Variants in FOXP1 observed in about 807,000 individuals in gnomAD.
FOXP1 encodes the protein forkhead box protein P1.
A neutral mutation model predicts 98.2 loss-of-function variants in FOXP1; 15 were observed. The observed-to-expected ratio is 0.15, with a 90% CI of 0.10 to 0.24. The LOEUF (loss-of-function observed/expected upper bound fraction) is 0.24. FOXP1 is among the 10% of genes least tolerant of loss of function. The probability of loss-of-function intolerance (pLI) is 1.00; values close to 1 mark genes in which losing one functional copy is unlikely to be tolerated. For missense variants in FOXP1, 633 were observed against 848.5 expected (o/e 0.75, Z 3.15); for synonymous variants, 371 against 314.5 (o/e 1.18, Z -1.90).
At chr3:71,234,636 G>A (rs2066620760) in intron 5 of FOXP1, among the ~76,000 whole-genome samples, 2 of 152,200 alleles carry the variant, frequency 1.3e-5, no homozygotes. Flanking sequence ...GAAATGTTTA[G>A]TGCAGATGAG....
intron 2 of FOXP1, among the ~76,000 whole-genome samples, chr3:71,544,385 A>C (rs948730598): frequency 2.0e-5 from 3 of 151,918 alleles, no homozygotes; most frequent in Non-Finnish European, 4.4e-5. Flanking sequence ...ATGGAAAAAA[A>C]AAAAAAGGAA....
chr3:71,352,767 T>C (rs1198011392), intron 4 of FOXP1, among the ~76,000 whole-genome samples: 1 of 152,184 alleles, frequency 6.6e-6, no homozygotes, highest in African/African-American at 2.4e-5. Context: ...TGCTGTTTAT[T>C]GAGATTTTTT....
At chr3:71,531,186 T>C (rs2107534856) in intron 2 of FOXP1, among the ~76,000 whole-genome samples, 1 of 152,340 alleles carries the variant, frequency 6.6e-6, no homozygotes, top group South Asian at 2.1e-4. Context: ...AGTGCAATGC[T>C]CAGGCAAAGT....
intron 13 of FOXP1, among the ~76,000 whole-genome samples, chr3:70,992,615 A>C (rs371113729): frequency 6.6e-6 from 1 of 152,258 alleles, no homozygotes; most frequent in South Asian, 2.1e-4. Flanking sequence ...TATATGGCTC[A>C]TTGCACCCCA....
chr3:70,965,751 T>C, intron 20 of FOXP1, 139 bp downstream of exon 20: 1 of 888,492 alleles, frequency 1.1e-6, no homozygotes, highest in Admixed American at 1.8e-5. Flanking sequence ...TTTCTTGAAG[T>C]ACAAACTTCT....
intron 6 of FOXP1, among the ~76,000 whole-genome samples, chr3:71,158,881 C>T (rs2060989322): frequency 1.3e-5 from 2 of 151,800 alleles, no homozygotes; most frequent in South Asian, 4.2e-4. Flanking sequence ...CAAGGTGGGT[C>T]ATCACTTGAG....
At chr3:71,531,985 C>T (rs916604058) in intron 2 of FOXP1, among the ~76,000 whole-genome samples, 2 of 152,192 alleles carry the variant, frequency 1.3e-5, no homozygotes, top group South Asian at 4.1e-4. Context: ...TTCTACAATT[C>T]CTTTTACTTA....
chr3:71,569,843 C>T (rs1287428039), intron 2 of FOXP1, among the ~76,000 whole-genome samples: 2 of 150,532 alleles, frequency 1.3e-5, no homozygotes, highest in African/African-American at 2.5e-5. Context: ...AGTCCAGTGG[C>T]GCGATCTCAG....
intron 6 of FOXP1, among the ~76,000 whole-genome samples, chr3:71,184,308 A>G (rs950546959): frequency 1.3e-5 from 2 of 152,118 alleles, no homozygotes; most frequent in African/African-American, 4.8e-5. Context: ...ATGCCAAAAT[A>G]CCCTCAGAAT....
chr3:71,370,011 A>T (rs972088444), intron 3 of FOXP1, among the ~76,000 whole-genome samples: 15 of 152,216 alleles, frequency 9.9e-5, no homozygotes, highest in African/African-American at 3.4e-4. Context: ...AATGACCTGC[A>T]AGCCATTAAA....
intron 10 of FOXP1, among the ~76,000 whole-genome samples, chr3:71,041,948 C>T (rs2048404603): frequency 6.6e-6 from 1 of 152,098 alleles, no homozygotes; most frequent in East Asian, 1.9e-4. Flanking sequence ...AATTTTTGTG[C>T]TTAAGTCTTA....
chr3:71,113,336 T>C (rs1430440947), intron 6 of FOXP1, among the ~76,000 whole-genome samples: 1 of 152,176 alleles, frequency 6.6e-6, no homozygotes, highest in Non-Finnish European at 1.5e-5. Flanking sequence ...GGTTTCTCCT[T>C]AAAGGTAGAC....
intron 4 of FOXP1, among the ~76,000 whole-genome samples, chr3:71,306,512 G>T (rs963825454): frequency 1.3e-5 from 2 of 148,766 alleles, no homozygotes; most frequent in East Asian, 3.9e-4. Context: ...TACCTACAAA[G>T]ATCTGTTTGA....
At chr3:71,568,012 G>T (rs1016822521) in intron 2 of FOXP1, 2 of 124,112 alleles carry the variant, frequency 1.6e-5, no homozygotes, top group African/African-American at 6.1e-5. Context: ...AGGGAGGAAG[G>T]AAGGAAGGAA....
chr3:71,248,921 A>T (rs2067972030), intron 5 of FOXP1, among the ~76,000 whole-genome samples: 1 of 152,170 alleles, frequency 6.6e-6, no homozygotes, highest in South Asian at 2.1e-4. Context: ...GTGGTCACTG[A>T]TCACAAAAAA....
chr3:71,017,637 T>C lies in FOXP1; in HGVS notation c.870-1984A>G, dbSNP rs147967174. Among the ~76,000 whole-genome samples, 1,118 of 152,296 alleles carry C rather than the reference T, an allele frequency of 7.3e-3. 12 individuals are homozygous for C. The highest frequency in any genetic ancestry group is 0.023 in the African/African-American group (976 of 41,580). ...TCTCAACTCATCTTCAAGAACCTTA[T>C]TTACTGATGGGTAATAGTCTATCAC... On this transcript the variant is annotated intron_variant, in intron 11 of 20. Transcript: ENST00000649528.
At chr3:71,425,398 T>C (rs1162782510) in intron 3 of FOXP1, among the ~76,000 whole-genome samples, 2 of 152,320 alleles carry the variant, frequency 1.3e-5, no homozygotes, top group East Asian at 1.9e-4. Flanking sequence ...AGTGCTGGAA[T>C]TACAGGTGTG....
At chr3:71,021,111 A>G (rs900371870) in intron 11 of FOXP1, among the ~76,000 whole-genome samples, 2 of 152,190 alleles carry the variant, frequency 1.3e-5, no homozygotes, top group African/African-American at 2.4e-5. Flanking sequence ...ATATTCACGG[A>G]GTTGTGTAAC....
At chr3:71,132,612 T>A (rs1323106212) in intron 6 of FOXP1, among the ~76,000 whole-genome samples, 1 of 152,192 alleles carries the variant, frequency 6.6e-6, no homozygotes, top group Non-Finnish European at 1.5e-5. Flanking sequence ...TATTCCTGAT[T>A]GCAAGCACCC....
Sources: allele counts gnomAD v4.1 joint callset (sites outside exome capture counted in the v4.1 genomes callset), GRCh38; gene constraint gnomAD v4.1.1; transcripts MANE v1.5; gene names NCBI Gene and HGNC (gene_info 2026-07-23, HGNC 2026-07-21).